The following SH3KBP1 variants were observed in gnomAD, a reference collection of about 807,000 sequenced individuals.
SH3KBP1 encodes SH3 domain-containing kinase-binding protein 1.
A neutral mutation model predicts 50.1 loss-of-function variants in SH3KBP1; 8 were observed. That is an observed-to-expected ratio of 0.16 (90% CI 0.09 to 0.29). SH3KBP1 has a LOEUF of 0.29. SH3KBP1 is among the 10% of genes least tolerant of loss of function. The pLI, the probability that SH3KBP1 is intolerant of heterozygous loss-of-function variation, is 1.00. For missense variants in SH3KBP1, 377 were observed against 535.2 expected (o/e 0.70, Z 2.92); for synonymous variants, 227 against 218.6 (o/e 1.04, Z -0.34).
At chrX:19,662,370 T>C (rs2062482665) in intron 6 of SH3KBP1, among the ~76,000 whole-genome samples, 2 of 112,212 alleles carry the variant, frequency 1.8e-5, no homozygotes, top group Non-Finnish European at 3.8e-5. Flanking sequence ...TATTCATACA[T>C]CTGTAAGGGA....
chrX:19,757,210 A>G (rs1278866229), intron 2 of SH3KBP1, among the ~76,000 whole-genome samples: 1 of 101,595 alleles, frequency 9.8e-6, no homozygotes, highest in Non-Finnish European at 2.0e-5. Flanking sequence ...TCCCAAAATC[A>G]CTAAGCTAAA....
At chrX:19,659,694 A>G (rs1315915299) in intron 6 of SH3KBP1, among the ~76,000 whole-genome samples, 3 of 112,899 alleles carry the variant, frequency 2.7e-5, no homozygotes, top group Non-Finnish European at 3.7e-5. Flanking sequence ...GTTACCACTT[A>G]GTAAGACATA....
At chrX:19,725,217 T>C (rs768422235) in intron 3 of SH3KBP1, among the ~76,000 whole-genome samples, 43 of 106,038 alleles carry the variant, frequency 4.1e-4, no homozygotes, top group Admixed American at 1.5e-3. Context: ...CTTTGGGAGG[T>C]TGAGGCAGGC....
At chrX:19,569,954 C>T (rs1212242484) in intron 12 of SH3KBP1, among the ~76,000 whole-genome samples, 3 of 111,875 alleles carry the variant, frequency 2.7e-5, no homozygotes, top group South Asian at 3.7e-4. Context: ...GCTATGAGAG[C>T]GGTGAAATAG....
intron 9 of SH3KBP1, among the ~76,000 whole-genome samples, chrX:19,602,210 T>A (rs1224959552): frequency 9.0e-6 from 1 of 110,564 alleles, no homozygotes; most frequent in Non-Finnish European, 1.9e-5. Flanking sequence ...CTTCCACTCT[T>A]CCTCCTCTTT....
Position 19,611,337 on chromosome X carries a change from G to T in SH3KBP1, c.898-3292C>A, listed in dbSNP as rs185851530. The stretch of plus-strand genomic sequence containing the variant: ...CAGAATAACTTTGGTTTTTTTTGTG[G>T]TTTTTTTGTTTGTTTTTGTTTTTGC... On this transcript the variant is annotated intron_variant, in intron 8 of 17. Coordinates refer to ENST00000397821, the MANE Select transcript of SH3KBP1 (RefSeq NM_031892.3). 5.4e-4 allele frequency among the ~76,000 whole-genome samples: 60 copies of T among 111,515 alleles called. No homozygotes were observed. The East Asian group carries it at 9.9e-3, about 18-fold the overall frequency.
chrX:19,718,688 T>C (rs908531349), intron 3 of SH3KBP1, among the ~76,000 whole-genome samples: 2 of 112,011 alleles, frequency 1.8e-5, no homozygotes, highest in Non-Finnish European at 3.8e-5. Flanking sequence ...AAATATCAAT[T>C]CAATCAGCAA....
chrX:19,760,239 A>G (rs1344908239), intron 2 of SH3KBP1, among the ~76,000 whole-genome samples: 1 of 108,473 alleles, frequency 9.2e-6, no homozygotes, highest in Non-Finnish European at 1.9e-5. Flanking sequence ...TACAAAAAAT[A>G]AGCCAGGCGC....
chrX:19,836,304 G>C (rs756410523), intron 1 of SH3KBP1, 22 bp from the exon 2 acceptor site: 2 of 1,192,901 alleles, frequency 1.7e-6, no homozygotes, highest in Admixed American at 2.2e-5. Context: ...AGGGAAAACA[G>C]AGTAATTTAG....
intron 12 of SH3KBP1, among the ~76,000 whole-genome samples, chrX:19,584,794 G>T (rs2066507928): frequency 8.9e-6 from 1 of 112,223 alleles, no homozygotes; most frequent in Admixed American, 9.5e-5. Context: ...TTACTGGCTG[G>T]TGAGAAGCAG....
intron 3 of SH3KBP1, among the ~76,000 whole-genome samples, chrX:19,709,124 C>T (rs1023013292): frequency 1.8e-5 from 2 of 112,202 alleles, no homozygotes; most frequent in Non-Finnish European, 3.8e-5. Flanking sequence ...ATCCCCGCAT[C>T]GGACTTCCAT....
chrX:19,870,495 G>A lies in SH3KBP1; in HGVS notation c.4+16812C>T, dbSNP rs190401832. On this transcript the variant is annotated intron_variant, in intron 1 of 17. Transcript: ENST00000397821. ...GTGGCTAGGACTACAGGCATATGCC[G>A]CCATGCCTGGCTAATTTTCTGTATT... Among the ~76,000 whole-genome samples the A allele has an allele frequency of 8.5e-3, 952 of 111,376 alleles. 13 individuals are homozygous for A. Among genetic ancestry groups the A allele is most frequent in the African/African-American group, 0.028 (870 of 30,606 alleles).
At chrX:19,731,301 C>T (rs1359708241) in intron 3 of SH3KBP1, among the ~76,000 whole-genome samples, 3 of 112,616 alleles carry the variant, frequency 2.7e-5, no homozygotes, top group Non-Finnish European at 3.8e-5. Flanking sequence ...AAAATGTTCA[C>T]ATGAAATTGA....
rs764969436 is a variant in SH3KBP1 at position 19,569,141 on chromosome X, A to T, written c.1346T>A (p.Ile449Asn). 8.3e-7 allele frequency: 1 copy of T among 1,210,442 alleles called. No individual in the cohort carries two copies. The highest frequency in any genetic ancestry group is 1.7e-5 in the African/African-American group (1 of 57,498). ...GCGGTCCGAGAGATCTTTGTCCAGGATGCCAGATAGCGAACTGCCGGCCAA... is the reference window on the plus strand; with the variant it reads ...GCGGTCCGAGAGATCTTTGTCCAGGTTGCCAGATAGCGAACTGCCGGCCAA... Reference protein sequence around the residue: ...IDLAGSSLSGILDKDLSDRSN... With the variant: ...IDLAGSSLSGNLDKDLSDRSN... Residue 449 changes from isoleucine (I) to asparagine (N), a missense_variant, in exon 13 of 18, where the codon ATC becomes AAC. By Grantham distance (149) the Ile-to-Asn change is moderately radical. Transcript: ENST00000397821.
intron 8 of SH3KBP1, among the ~76,000 whole-genome samples, chrX:19,611,376 C>T (rs760669008): frequency 9.1e-6 from 1 of 110,261 alleles, no homozygotes; most frequent in Non-Finnish European, 1.9e-5. Flanking sequence ...TGTTTTGAGA[C>T]GCAGTCTCAC....
At chrX:19,675,130 G>A (rs1246104606) in intron 6 of SH3KBP1, among the ~76,000 whole-genome samples, 3 of 110,525 alleles carry the variant, frequency 2.7e-5, no homozygotes, top group African/African-American at 6.6e-5. Flanking sequence ...CCTGGAAAAT[G>A]TACTGTCATT....
intron 2 of SH3KBP1, among the ~76,000 whole-genome samples, chrX:19,780,545 A>T (rs1376563674): frequency 6.1e-4 from 65 of 106,084 alleles, no homozygotes; most frequent in African/African-American, 2.2e-3. Context: ...GGTATTGCCT[A>T]GGTTTTCTTC....
At chrX:19,718,474 G>A (rs1569439376) in intron 3 of SH3KBP1, among the ~76,000 whole-genome samples, 1 of 111,834 alleles carries the variant, frequency 8.9e-6, no homozygotes, top group Non-Finnish European at 1.9e-5. Context: ...TTCAGGGGAG[G>A]CAGATTGGGG....
At position 19,875,640 on chromosome X, in the gene SH3KBP1, T is replaced by C. The variant is rs2069228093; in HGVS notation, c.4+11667A>G. Among the ~76,000 whole-genome samples the C allele has an allele frequency of 3.6e-5, 4 of 112,312 alleles. No homozygotes were observed. The South Asian group carries it at 1.5e-3, about 41-fold the overall frequency. On this transcript the variant is annotated intron_variant, in intron 1 of 17. Transcript: ENST00000397821. ...GGAACTGAGCACCTCCCGCCCACCA[T>C]GGATGTGGGCATGGAGCAGCCACCT...
Sources: gnomAD v4.1 joint callset for allele counts (sites outside exome capture counted in the v4.1 genomes callset) on GRCh38, gnomAD v4.1.1 for gene constraint, MANE v1.5 for transcripts, NCBI Gene and HGNC (gene_info 2026-07-23, HGNC 2026-07-21) for gene names.